The following ABCC3 variants were observed in gnomAD, a reference collection of about 807,000 sequenced individuals.
The protein encoded by ABCC3 is ATP binding cassette subfamily C member 3, also known as ATP-binding cassette sub-family C member 3.
A neutral mutation model predicts 165.3 loss-of-function variants in ABCC3; 121 were observed. That is an observed-to-expected ratio of 0.73 (90% CI 0.63 to 0.85). The LOEUF (loss-of-function observed/expected upper bound fraction) is 0.85. Ranked by LOEUF, ABCC3 falls within the 40% of genes least tolerant of loss-of-function variation. The pLI, the probability that ABCC3 is intolerant of heterozygous loss-of-function variation, is 0.00. For synonymous variants in ABCC3, 733 were observed against 810.1 expected (o/e 0.90, Z 1.62); for missense variants, 1,869 against 1,964.1 (o/e 0.95, Z 0.92).
chr17:50,679,659 C>T, intron 25 of ABCC3, 139 bp from the exon 26 acceptor site: 1 of 727,168 alleles, frequency 1.4e-6, no homozygotes, highest in South Asian at 1.8e-5. Flanking sequence ...TGCCTGTGGG[C>T]TTGATCCAGG....
rs747954471 is a variant in ABCC3, at chr17:50,669,505, G to T, written c.2218G>T (p.Asp740Tyr). ...LADLEMLPGG[D>Y]QTEIGEKGIN... ...TGACCTGGAGATGCTGCCTGGTGGG[G>T]ATCAGACAGAGATTGGAGAGAAGGT... The change falls in exon 17 of 31, where the codon GAT becomes TAT. Residue 740 changes from aspartate to tyrosine, a missense_variant. Coordinates refer to ENST00000285238, the MANE Select transcript of ABCC3 (RefSeq NM_003786.4). The T allele has an allele frequency of 6.2e-7, 1 of 1,614,192 alleles. No homozygotes were observed. The highest frequency in any genetic ancestry group is 1.3e-5 in the African/African-American group (1 of 75,060).
In ABCC3 at chr17:50,658,518, C is replaced by T. The variant is rs199669904; in HGVS notation, c.674+22C>T. On this transcript the variant is annotated intron_variant, in intron 6 of 30. Transcript: ENST00000285238. The stretch of plus-strand genomic sequence containing the variant: ...CAAAGTGAGTTGGCTCTTCCACCAG[C>T]CAGGCCAGAGGGAGGGGAGGGATGG... 8.0e-5 allele frequency: 128 copies of T among 1,608,472 alleles called. No homozygotes were observed. In the African/African-American group the frequency reaches 1.5e-3, roughly 19 times the overall value.
At chr17:50,648,024 G>A (rs1174310054) in intron 1 of ABCC3, among the ~76,000 whole-genome samples, 1 of 151,906 alleles carries the variant, frequency 6.6e-6, no homozygotes, top group Non-Finnish European at 1.5e-5. Context: ...GGGAGACAGA[G>A]CAAGACTCTG....
intron 1 of ABCC3, chr17:50,635,718 G>A: frequency 1.6e-6 from 1 of 640,008 alleles, no homozygotes; most frequent in Non-Finnish European, 2.8e-6. Context: ...GCAGAGCTGG[G>A]ATAGAAAAAC....
At position 50,673,622 on chromosome 17, in the gene ABCC3, G is replaced by A. The variant is rs753866926; in HGVS notation, c.2563G>A (p.Asp855Asn). Residue 855 changes from aspartate to asparagine, a missense_variant, in exon 19 of 31, where the codon GAT becomes AAT. By Grantham distance (23) the Asp-to-Asn change is conservative. Transcript: ENST00000285238. The stretch of plus-strand genomic sequence containing the variant: ...CAACTTTCTCTGCAACTATGCCCCC[G>A]ATGAGGACCAAGGGCACCTGGAGGA... ...FANFLCNYAP[D>N]EDQGHLEDSW... 16 of 1,614,044 alleles carry A rather than the reference G, an allele frequency of 9.9e-6. No homozygotes were observed. The highest frequency in any genetic ancestry group is 6.7e-5 in the African/African-American group (5 of 74,904).
chr17:50,635,812 G>T, intron 1 of ABCC3: 1 of 569,608 alleles, frequency 1.8e-6, no homozygotes, highest in Non-Finnish European at 3.1e-6. Context: ...CAGCCCAGGA[G>T]TTTTAGATTA....
rs374143344 is a variant in ABCC3, at chr17:50,683,619, G to C, written c.3817G>C (p.Val1273Leu). 3.2e-6 allele frequency: 5 copies of C among 1,576,306 alleles called. No homozygotes were observed. Among genetic ancestry groups the C allele is most frequent in the Middle Eastern group, 1.7e-4 (1 of 5,910 alleles). Residue 1273 changes from valine (V) to leucine (L), a missense_variant, in exon 27 of 31, where the codon GTG (valine) becomes CTG (leucine). By Grantham distance (32) the Val-to-Leu change is conservative (BLOSUM62 1). Transcript: ENST00000285238. ...CTGCCCCTCCTGCCAGGCGCCCTGG[G>C]TGGTGGAAGGCAGCCGCCCTCCCGA... ...YSKTETEAPW[V>L]VEGSRPPEGW...
chr17:50,667,862 G>C lies in ABCC3; in HGVS notation c.1636-1G>C. 1 of 1,613,960 alleles carries C rather than the reference G, an allele frequency of 6.2e-7. No individual in the cohort carries two copies. Among genetic ancestry groups the C allele is most frequent in the Non-Finnish European group, 8.5e-7 (1 of 1,179,900 alleles). ...CCTGACACCACCTCCACGCTGCTCA[G>C]GTGACCCTGATCACCCTCTGGGTGT... On this transcript the variant is annotated splice_acceptor_variant, in intron 12 of 30. Coordinates refer to ENST00000285238, the MANE Select transcript of ABCC3 (RefSeq NM_003786.4). LOFTEE classifies it high-confidence loss of function.
chr17:50,661,138 A>G lies in ABCC3; in HGVS notation c.998+24A>G, dbSNP rs925614007. ...AGGTCTCTCCACACTCCGGCTCACTATAGCCCTGCCCTGGGCAGCAGGGCT... is the reference window on the plus strand; with the variant it reads ...AGGTCTCTCCACACTCCGGCTCACTGTAGCCCTGCCCTGGGCAGCAGGGCT... On this transcript the variant is annotated intron_variant, in intron 8 of 30. Transcript: ENST00000285238. 5 of 1,589,284 alleles carry G rather than the reference A, an allele frequency of 3.1e-6. No individual in the cohort carries two copies. In the Admixed American group the frequency reaches 5.2e-5, roughly 16 times the overall value.
chr17:50,679,764 A>T, intron 25 of ABCC3, 34 bp from the exon 26 acceptor site: 1 of 1,589,360 alleles, frequency 6.3e-7, no homozygotes, highest in Middle Eastern at 1.7e-4. Flanking sequence ...GGGAGGGGAG[A>T]TCGCCATACG....
At chr17:50,635,108 C>A (rs2054166350) in intron 1 of ABCC3, 127 bp downstream of exon 1, 3 of 1,068,366 alleles carry the variant, frequency 2.8e-6, no homozygotes, top group South Asian at 7.3e-5. Flanking sequence ...ACGGCCTGGG[C>A]GCCCGGGAGG....
At chr17:50,688,036 C>T (rs917137789) in intron 30 of ABCC3, among the ~76,000 whole-genome samples, 1 of 151,646 alleles carries the variant, frequency 6.6e-6, no homozygotes, top group Non-Finnish European at 1.5e-5. Flanking sequence ...CTCAGCCTCT[C>T]GAAGTACTGG....
In ABCC3 at chr17:50,673,473, G is replaced by A; in HGVS notation, c.2414G>A (p.Arg805Gln). ...GPEGVLAGKT[R>Q]VLVTHGISFL... ...AGCCTGCTGCCTTCTCCCCAGACGCGAGTGCTGGTGACGCACGGCATTAGC... is the reference window on the plus strand; with the variant it reads ...AGCCTGCTGCCTTCTCCCCAGACGCAAGTGCTGGTGACGCACGGCATTAGC... Residue 805 changes from arginine to glutamine, a missense_variant, in exon 19 of 31, where the codon CGA (arginine) becomes CAA (glutamine). Arg to Gln is a conservative substitution (Grantham distance 43). Coordinates refer to ENST00000285238, the MANE Select transcript of ABCC3 (RefSeq NM_003786.4). 6.8e-6 allele frequency: 11 copies of A among 1,613,946 alleles called. No individual in the cohort carries two copies. Among genetic ancestry groups the A allele is most frequent in the East Asian group, 2.2e-5 (1 of 44,872 alleles).
At chr17:50,673,392 T>C (rs1967690523) in intron 18 of ABCC3, 77 bp from the exon 19 acceptor site, 2 of 1,538,080 alleles carry the variant, frequency 1.3e-6, no homozygotes, top group Admixed American at 3.5e-5. Flanking sequence ...CACTTCACAC[T>C]CACTCTGTGG....
intron 1 of ABCC3, among the ~76,000 whole-genome samples, chr17:50,649,247 A>G (rs1042471888): frequency 2.6e-5 from 4 of 152,206 alleles, no homozygotes; most frequent in Non-Finnish European, 1.5e-5. Context: ...GAACCAGTAG[A>G]GGTTCACAGA....
At position 50,669,494 on chromosome 17, in the gene ABCC3, T is replaced by G; in HGVS notation, c.2207T>G (p.Leu736Arg). The G allele has an allele frequency of 6.2e-7, 1 of 1,614,222 alleles. No homozygotes were observed. The highest frequency in any genetic ancestry group is 1.6e-4 in the Middle Eastern group (1 of 6,062). ...ACALLADLEM[L>R]PGGDQTEIGE... ...GCCTTGCTAGCTGACCTGGAGATGC[T>G]GCCTGGTGGGGATCAGACAGAGATT... Residue 736 changes from leucine to arginine, a missense_variant, in exon 17 of 31, where the codon CTG (leucine) becomes CGG (arginine). Transcript: ENST00000285238.
Position 50,667,855 on chromosome 17 carries a change from C to T in ABCC3, c.1636-8C>T, listed in dbSNP as rs768308925. On this transcript the variant is annotated splice_region_variant and splice_polypyrimidine_tract_variant and intron_variant, in intron 12 of 30. Transcript: ENST00000285238. ...ACTCTACCCTGACACCACCTCCACG[C>T]TGCTCAGGTGACCCTGATCACCCTC... 1.2e-6 allele frequency: 2 copies of T among 1,613,946 alleles called. No homozygotes were observed. The highest frequency in any genetic ancestry group is 1.3e-5 in the African/African-American group (1 of 75,052).
At chr17:50,666,784 G>A (rs983377729) in intron 11 of ABCC3, among the ~76,000 whole-genome samples, 3 of 152,218 alleles carry the variant, frequency 2.0e-5, no homozygotes, top group Non-Finnish European at 4.4e-5. Context: ...TTAATCTGGT[G>A]TGCCACACCT....
chr17:50,673,117 A>G lies in ABCC3; in HGVS notation c.2388A>G (p.Pro796=), dbSNP rs199900868. Reference sequence around the variant, plus strand: ...ACATCTTTGACCACGTCATCGGGCCAGAAGGCGTGCTGGCAGGCAAGGTGA... The same window carrying G: ...ACATCTTTGACCACGTCATCGGGCCGGAAGGCGTGCTGGCAGGCAAGGTGA... The part of the protein sequence containing the change: ...AKHIFDHVIG[P]EGVLAGKTRV... Residue 796 remains proline (P), a synonymous_variant, in exon 18 of 31, where the codon CCA becomes CCG. Coordinates refer to ENST00000285238, the MANE Select transcript of ABCC3 (RefSeq NM_003786.4). 7.6e-5 allele frequency: 123 copies of G among 1,614,088 alleles called. No homozygotes were observed. In the East Asian group the frequency reaches 2.7e-3, roughly 36 times the overall value.
Sources: allele counts gnomAD v4.1 joint callset (sites outside exome capture counted in the v4.1 genomes callset), GRCh38; gene constraint gnomAD v4.1.1; transcripts MANE v1.5; gene names NCBI Gene and HGNC (gene_info 2026-07-23, HGNC 2026-07-21).